The following FBN2 variants were observed in gnomAD, a reference collection of about 807,000 sequenced individuals.
FBN2 encodes fibrillin-2.
Under a neutral mutation model 355.6 loss-of-function variants are expected in FBN2, and 105 were observed. The ratio of observed to expected loss-of-function variants is 0.30; its 90% confidence interval spans 0.25 to 0.35. FBN2 has a LOEUF of 0.35. FBN2 is among the 10% of genes least tolerant of loss of function. The pLI, the probability that FBN2 is intolerant of heterozygous loss-of-function variation, is 1.00. For synonymous variants in FBN2, 1,350 were observed against 1,301.2 expected, an observed-to-expected ratio of 1.04 and a Z score of -0.81; for missense variants, 3,280 against 3,758.7, an observed-to-expected ratio of 0.87 and a Z score of 3.33.
At chr5:128,404,728 C>A (rs1040837611) in intron 8 of FBN2, among the ~76,000 whole-genome samples, 1 of 152,172 alleles carries the variant, frequency 6.6e-6, no homozygotes, top group African/African-American at 2.4e-5. Context: ...AGCCCACAGT[C>A]TAGCCAGTGA....
intron 6 of FBN2, among the ~76,000 whole-genome samples, chr5:128,446,819 C>T (rs1482726357): frequency 6.6e-6 from 1 of 151,972 alleles, no homozygotes; most frequent in Non-Finnish European, 1.5e-5. Context: ...TCTTAATTTT[C>T]CTTTTAGAAT....
intron 7 of FBN2, among the ~76,000 whole-genome samples, chr5:128,436,784 AC>A (rs1042525085): frequency 2.0e-5 from 3 of 152,190 alleles, no homozygotes; most frequent in Non-Finnish European, 4.4e-5. Context: ...ATAAAAAGTA[AC>A]CCAGAAGACA....
At chr5:128,381,910 C>T (rs1262212588) in intron 11 of FBN2, among the ~76,000 whole-genome samples, 1 of 152,004 alleles carries the variant, frequency 6.6e-6, no homozygotes, top group Non-Finnish European at 1.5e-5. Flanking sequence ...TAGCCCTGTA[C>T]CTAGTTTAGA....
intron 5 of FBN2, among the ~76,000 whole-genome samples, chr5:128,516,834 T>C (rs1756293432): frequency 6.6e-6 from 1 of 152,190 alleles, no homozygotes; most frequent in African/African-American, 2.4e-5. Context: ...AAAAAAATTA[T>C]GAACTTCATT....
intron 31 of FBN2, among the ~76,000 whole-genome samples, chr5:128,334,144 A>ACAAAGTGAG (rs1475289461): frequency 6.6e-6 from 1 of 152,128 alleles, no homozygotes; most frequent in South Asian, 2.1e-4. Context: ...GGAACAAAAG[A>ACAAAGTGAG]CAAAGTGAGC....
chr5:128,426,843 C>A (rs183227156), intron 7 of FBN2, among the ~76,000 whole-genome samples: 1 of 152,244 alleles, frequency 6.6e-6, no homozygotes, highest in Non-Finnish European at 1.5e-5. Flanking sequence ...GATTATGGAG[C>A]TATAATCTCC....
At chr5:128,437,506 C>T (rs1234252775) in intron 7 of FBN2, among the ~76,000 whole-genome samples, 4 of 152,020 alleles carry the variant, frequency 2.6e-5, no homozygotes, top group Non-Finnish European at 5.9e-5. Flanking sequence ...GATTCCTATA[C>T]AAAGTGATGG....
intron 5 of FBN2, among the ~76,000 whole-genome samples, chr5:128,479,996 A>G (rs1330364028): frequency 9.8e-5 from 5 of 50,810 alleles, no homozygotes; most frequent in Admixed American, 2.1e-4. Context: ...ATATATATAT[A>G]TATATATATA....
chr5:128,489,902 C>A lies in FBN2; in HGVS notation c.629-24981G>T, dbSNP rs1029627080. Among the ~76,000 whole-genome samples, 13 of 152,278 alleles carry A rather than the reference C, an allele frequency of 8.5e-5. No homozygotes were observed. In the East Asian group the frequency reaches 2.3e-3, roughly 27 times the overall value. On this transcript the variant is annotated intron_variant, in intron 5 of 64. Coordinates refer to ENST00000262464, the MANE Select transcript of FBN2 (RefSeq NM_001999.4). ...TGAAGACTACAGATGTAGGAGCATACATCTACGGATGTACTATAGACTACA... is the reference window on the plus strand; with the variant it reads ...TGAAGACTACAGATGTAGGAGCATAAATCTACGGATGTACTATAGACTACA...
chr5:128,300,918 G>A lies in FBN2; in HGVS notation c.6065C>T (p.Ala2022Val). The A allele has an allele frequency of 6.2e-7, 1 of 1,613,724 alleles. No homozygotes were observed. Among genetic ancestry groups the A allele is most frequent in the South Asian group, 1.1e-5 (1 of 91,070 alleles). ...KNCIDTNECV[A>V]LPGSCSPGTC... ...ACCAGGAGAGCAAGAGCCGGGAAGG[G>A]CGACACACTCATTAGTGTCTTTAGA... The change falls in exon 48 of 65, where the codon GCC becomes GTC. Residue 2022 changes from alanine to valine, a missense_variant. Ala to Val is a moderately conservative substitution (Grantham distance 64, BLOSUM62 0). This residue lies in a region of FBN2 where 2,284 missense variants were observed against 2,749.5 expected (regional missense o/e 0.83). Coordinates refer to ENST00000262464, the MANE Select transcript of FBN2 (RefSeq NM_001999.4).
At chr5:128,339,860 C>T (rs1477391931) in intron 25 of FBN2, among the ~76,000 whole-genome samples, 1 of 152,156 alleles carries the variant, frequency 6.6e-6, no homozygotes, top group East Asian at 1.9e-4. Context: ...CCAGAGAGCA[C>T]ACATAGGGCA....
intron 2 of FBN2, 24 bp from the exon 3 acceptor site, chr5:128,530,717 T>G: frequency 7.2e-7 from 1 of 1,386,488 alleles, no homozygotes; most frequent in East Asian, 2.3e-5. Flanking sequence ...AATAGGAAAA[T>G]GAATGAATAA....
At chr5:128,275,377 A>G (rs186576739) in intron 59 of FBN2, among the ~76,000 whole-genome samples, 104 of 152,060 alleles carry the variant, frequency 6.8e-4, no homozygotes, top group African/African-American at 2.2e-3. Context: ...ATACTCATAA[A>G]CAATGTACAA....
Position 128,271,969 on chromosome 5 carries a change from G to C in FBN2, c.7960+30C>G. On this transcript the variant is annotated intron_variant, in intron 62 of 64. Coordinates refer to ENST00000262464, the MANE Select transcript of FBN2 (RefSeq NM_001999.4). Reference sequence around the variant, plus strand: ...TCAGAGACACTTTCAGGTGAGAAAAGCAAGTGCGATGGAAGAAAAGAGCAC... The same window carrying C: ...TCAGAGACACTTTCAGGTGAGAAAACCAAGTGCGATGGAAGAAAAGAGCAC... 8 of 1,613,020 alleles carry C rather than the reference G, an allele frequency of 5.0e-6. No homozygotes were observed. The Middle Eastern group carries it at 8.3e-4, about 166-fold the overall frequency.
intron 34 of FBN2, among the ~76,000 whole-genome samples, chr5:128,322,492 T>G (rs1194765252): frequency 6.6e-6 from 1 of 152,230 alleles, no homozygotes; most frequent in African/African-American, 2.4e-5. Context: ...CAGTTTCAGT[T>G]TTCTGCATAT....
intron 15 of FBN2, among the ~76,000 whole-genome samples, chr5:128,372,460 T>C (rs562692047): frequency 6.6e-6 from 1 of 152,228 alleles, no homozygotes; most frequent in South Asian, 2.1e-4. Flanking sequence ...AAAATGCTTA[T>C]CCTAATAGTT....
chr5:128,371,568 G>A (rs750777920), intron 15 of FBN2, among the ~76,000 whole-genome samples: 10 of 130,156 alleles, frequency 7.7e-5, no homozygotes, highest in Non-Finnish European at 1.4e-4. Flanking sequence ...TCGCTCTGTC[G>A]CCCAGGCTGG....
At chr5:128,512,238 G>A (rs1378523642) in intron 5 of FBN2, among the ~76,000 whole-genome samples, 2 of 152,106 alleles carry the variant, frequency 1.3e-5, no homozygotes, top group African/African-American at 4.8e-5. Context: ...CAGGCCAGGC[G>A]CAGTGGCTTA....
intron 5 of FBN2, among the ~76,000 whole-genome samples, chr5:128,514,966 TTC>T (rs1756240347): frequency 6.6e-6 from 1 of 152,216 alleles, no homozygotes; most frequent in Non-Finnish European, 1.5e-5. Context: ...CGTCACCATA[TTC>T]CCTATATTCC....
Sources: gnomAD v4.1 joint callset for allele counts (sites outside exome capture counted in the v4.1 genomes callset) on GRCh38, gnomAD v4.1.1 for gene constraint, gnomAD v4.1.1 regional missense constraint, MANE v1.5 for transcripts, NCBI Gene and HGNC (gene_info 2026-07-23, HGNC 2026-07-21) for gene names.